The following CNKSR3 variants were observed in gnomAD, a reference collection of about 807,000 sequenced individuals.
CNKSR3 encodes the protein CNKSR family member 3.
In CNKSR3, 36 loss-of-function variants were observed where a neutral mutation model predicts 67.7. The ratio of observed to expected loss-of-function variants is 0.53; its 90% CI spans 0.41 to 0.70. The LOEUF (loss-of-function observed/expected upper bound fraction) is 0.70. CNKSR3 is among the 30% of genes least tolerant of loss of function. CNKSR3 has a pLI of 0.00. For synonymous variants in CNKSR3, 281 were observed against 271.4 expected (o/e 1.04, Z -0.35); for missense variants, 630 against 695.2 (o/e 0.91, Z 1.05).
At position 154,443,691 on chromosome 6, in the gene CNKSR3, T is replaced by C. The variant is rs112126101; in HGVS notation, c.217-1401A>G. Among the ~76,000 whole-genome samples, 1,231 of 152,186 alleles carry C rather than the reference T, an allele frequency of 8.1e-3. 16 individuals carry two copies. The highest frequency in any genetic ancestry group is 0.028 in the African/African-American group (1,181 of 41,512). Reference sequence around the variant, plus strand: ...CACAGCAGCACTAACTAAACACCAATTCACTAAGCGTGATCTCCTGAGCTT... The same window carrying C: ...CACAGCAGCACTAACTAAACACCAACTCACTAAGCGTGATCTCCTGAGCTT... On this transcript the variant is annotated intron_variant, in intron 2 of 12. Transcript: ENST00000607772.
intron 1 of CNKSR3, among the ~76,000 whole-genome samples, chr6:154,474,112 TA>T (rs112210954): frequency 0.49 from 70,583 of 144,394 alleles, 18,657 homozygotes; most frequent in African/African-American, 0.74. Context: ...CATGGGGTTA[TA>T]AAAAAAAAAA....
chr6:154,474,290 G>C (rs1431996999), intron 1 of CNKSR3, among the ~76,000 whole-genome samples: 2 of 151,548 alleles, frequency 1.3e-5, no homozygotes, highest in Admixed American at 1.3e-4. Flanking sequence ...GCATATGCCT[G>C]TAGTCCCAGC....
At position 154,442,132 on chromosome 6, in the gene CNKSR3, C is replaced by T; in HGVS notation, c.375G>A (p.Val125=). Residue 125 remains valine, a synonymous_variant, in exon 3 of 13, where the codon GTG becomes GTA. Transcript: ENST00000607772. ...GGGCCTTGGCGGCGCCGATGAGCTC[C>T]ACCACCGAGGTCAGGAACTCATTGG... The part of the protein sequence containing the change: ...KAPNEFLTSV[V]ELIGAAKALL... 1 of 1,613,184 alleles carries T rather than the reference C, an allele frequency of 6.2e-7. No individual in the cohort carries two copies. Among genetic ancestry groups the T allele is most frequent in the South Asian group, 1.1e-5 (1 of 91,042 alleles).
chr6:154,414,781 G>A (rs1375726578), intron 9 of CNKSR3: 1 of 510,296 alleles, frequency 2.0e-6, no homozygotes, highest in Non-Finnish European at 4.0e-6. Context: ...GTGAGAATTA[G>A]ATGAGTTAGT....
intron 4 of CNKSR3, among the ~76,000 whole-genome samples, chr6:154,438,020 T>C (rs1196384496): frequency 6.6e-6 from 1 of 151,664 alleles, no homozygotes; most frequent in Non-Finnish European, 1.5e-5. Context: ...TGTATCTCGA[T>C]CTCCTGACCT....
Position 154,462,241 on chromosome 6 carries a change from C to T in CNKSR3, c.53-11983G>A, listed in dbSNP as rs935173992. Among the ~76,000 whole-genome samples, 7 of 147,550 alleles carry T rather than the reference C, an allele frequency of 4.7e-5. 1 individual carries two copies. The highest frequency in any genetic ancestry group is 4.3e-4 in the East Asian group (2 of 4,692). ...TGTACCCATTAGAAGTCCCTCCCCC[C>T]GAAATTATACAATAACGTTGTATAA... On this transcript the variant is annotated intron_variant, in intron 1 of 12. Coordinates refer to ENST00000607772, the MANE Select transcript of CNKSR3 (RefSeq NM_173515.4).
chr6:154,411,716 T>C (rs1784917209), intron 10 of CNKSR3, among the ~76,000 whole-genome samples: 1 of 151,966 alleles, frequency 6.6e-6, no homozygotes, highest in Non-Finnish European at 1.5e-5. Context: ...AAGACAGCTC[T>C]AGTTTTCCTG....
chr6:154,445,431 A>T (rs1047342517), intron 2 of CNKSR3, among the ~76,000 whole-genome samples: 1 of 152,226 alleles, frequency 6.6e-6, no homozygotes, highest in Non-Finnish European at 1.5e-5. Context: ...AAGAGGCCAC[A>T]AGACAGAGCT....
chr6:154,484,869 T>C (rs1489540410), intron 1 of CNKSR3, among the ~76,000 whole-genome samples: 1 of 152,174 alleles, frequency 6.6e-6, no homozygotes, highest in Non-Finnish European at 1.5e-5. Context: ...ACGGGAACAC[T>C]GATGGCCCAC....
intron 1 of CNKSR3, among the ~76,000 whole-genome samples, chr6:154,492,513 T>C (rs1786800310): frequency 6.6e-6 from 1 of 152,108 alleles, no homozygotes; most frequent in African/African-American, 2.4e-5. Flanking sequence ...AAGGCTGAGA[T>C]GGGCGGATCA....
At chr6:154,451,574 C>T (rs1785834361) in intron 1 of CNKSR3, among the ~76,000 whole-genome samples, 2 of 152,164 alleles carry the variant, frequency 1.3e-5, no homozygotes, top group Non-Finnish European at 2.9e-5. Flanking sequence ...TCATTTAATC[C>T]TCACAAAACC....
At chr6:154,496,249 A>G (rs1413473276) in intron 1 of CNKSR3, among the ~76,000 whole-genome samples, 1 of 152,200 alleles carries the variant, frequency 6.6e-6, no homozygotes, top group African/African-American at 2.4e-5. Context: ...TATCAAGCCA[A>G]CCCCGACAAA....
intron 10 of CNKSR3, among the ~76,000 whole-genome samples, chr6:154,413,879 CT>C (rs761271794): frequency 1.3e-5 from 2 of 152,106 alleles, no homozygotes; most frequent in Non-Finnish European, 2.9e-5. Context: ...TCCTGAGTAG[CT>C]GGGACTACAG....
At chr6:154,480,456 G>A (rs537320918) in intron 1 of CNKSR3, among the ~76,000 whole-genome samples, 5 of 152,296 alleles carry the variant, frequency 3.3e-5, no homozygotes, top group East Asian at 3.9e-4. Context: ...TGTGACTTCC[G>A]CAGGCAGGCA....
intron 1 of CNKSR3, among the ~76,000 whole-genome samples, chr6:154,451,530 CACGCACACGCACAG>C (rs1785831870): frequency 1.3e-5 from 1 of 74,436 alleles, no homozygotes; most frequent in South Asian, 6.3e-4. Flanking sequence ...CTCGTGCACA[CACGCACACGCACAG>C]ATGCACACAC....
chr6:154,451,029 T>C (rs1011861840), intron 1 of CNKSR3, among the ~76,000 whole-genome samples: 1 of 152,232 alleles, frequency 6.6e-6, no homozygotes, highest in Admixed American at 6.5e-5. Flanking sequence ...AGCTTGTTTG[T>C]GTCGAATCTC....
intron 1 of CNKSR3, among the ~76,000 whole-genome samples, chr6:154,458,958 C>G (rs1010024811): frequency 6.6e-6 from 1 of 151,798 alleles, no homozygotes; most frequent in Non-Finnish European, 1.5e-5. Flanking sequence ...TTGAGCTACT[C>G]AGAAGTTACC....
chr6:154,397,924 C>T lies in CNKSR3; in HGVS notation c.*8430G>A, dbSNP rs540939123. ...CAGACAGTACAGCCTGCAACTGTGG[C>T]GCAGGCGCAGAACAGGATTGAATTT... On this transcript the variant is annotated 3_prime_UTR_variant, in exon 13 of 13. Coordinates refer to ENST00000607772, the MANE Select transcript of CNKSR3 (RefSeq NM_173515.4). The T allele has an allele frequency of 1.3e-5, 2 of 152,394 alleles. No individual in the cohort carries two copies. Among genetic ancestry groups the T allele is most frequent in the South Asian group, 2.1e-4 (1 of 4,828 alleles). 9.4% of individuals were successfully genotyped at this position (152,394 alleles called of 1,614,324 possible). A position where few individuals can be genotyped will look rare whatever the true frequency, so the allele number is the denominator to read the frequency against.
intron 1 of CNKSR3, among the ~76,000 whole-genome samples, chr6:154,506,342 G>A (rs540837954): frequency 3.1e-4 from 47 of 152,282 alleles, no homozygotes; most frequent in African/African-American, 1.1e-3. Context: ...AGGGAGGAAA[G>A]AGAAAGAAGA....
Sources: gnomAD v4.1 joint callset for allele counts (sites outside exome capture counted in the v4.1 genomes callset) on GRCh38, gnomAD v4.1.1 for gene constraint, MANE v1.5 for transcripts, NCBI Gene and HGNC (gene_info 2026-07-23, HGNC 2026-07-21) for gene names.